Variants in DOCK7 observed in about 807,000 individuals in gnomAD.
DOCK7 encodes the protein dedicator of cytokinesis 7.
A neutral mutation model predicts 271.0 loss-of-function variants in DOCK7; 138 were observed. That is an observed-to-expected ratio of 0.51 (90% CI 0.44 to 0.59). The LOEUF (loss-of-function observed/expected upper bound fraction) is 0.59. Among genes scored for constraint, DOCK7 ranks in the 20% least tolerant of loss-of-function variants. The probability of loss-of-function intolerance (pLI) is 0.00; values close to 1 mark genes in which losing one functional copy is unlikely to be tolerated. For synonymous variants in DOCK7, 823 were observed against 876.1 expected, an observed-to-expected ratio of 0.94 and a Z score of 1.07; for missense variants, 2,066 against 2,592.4, an observed-to-expected ratio of 0.80 and a Z score of 4.41.
intron 8 of DOCK7, chr1:62,635,189 T>C (rs905791664): frequency 8.8e-6 from 2 of 226,368 alleles, no homozygotes; most frequent in Non-Finnish European, 1.7e-5. Context: ...CATGTAAAGT[T>C]TATATTTCAC....
At position 62,592,059 on chromosome 1, in the gene DOCK7, C is replaced by T. The variant is rs146704009; in HGVS notation, c.1683-5435G>A. Among the ~76,000 whole-genome samples, 8 of 152,240 alleles carry T rather than the reference C, an allele frequency of 5.3e-5. No homozygotes were observed. The East Asian group carries it at 1.5e-3, about 29-fold the overall frequency. On this transcript the variant is annotated intron_variant, in intron 14 of 49. Transcript: ENST00000635253. ...ATAGAAATTGAACACTATCTATAAACTACGTTTGATTTCCAATATAAGCAA... is the reference window on the plus strand; with the variant it reads ...ATAGAAATTGAACACTATCTATAAATTACGTTTGATTTCCAATATAAGCAA...
In DOCK7 at chr1:62,537,925, G is replaced by A; in HGVS notation, c.3437C>T (p.Ser1146Phe). ...LPCSLLTPPA[S>F]PSPSVSSATS... ...TGCAGAAGAAACAGAAGGTGATGGA[G>A]ATGCAGGTGGAGTAAGTAAGCTGCA... The change falls in exon 28 of 50, where the codon TCT becomes TTT. Residue 1146 changes from serine (S) to phenylalanine (F), a missense_variant. Ser to Phe is a radical substitution (Grantham distance 155, BLOSUM62 -2). Transcript: ENST00000635253. 1.9e-6 allele frequency: 3 copies of A among 1,613,946 alleles called. No homozygotes were observed. The highest frequency in any genetic ancestry group is 2.5e-6 in the Non-Finnish European group (3 of 1,179,890).
intron 22 of DOCK7, among the ~76,000 whole-genome samples, chr1:62,551,351 C>A (rs115497458): frequency 3.0e-3 from 412 of 139,480 alleles, no homozygotes; most frequent in Non-Finnish European, 3.5e-3. Flanking sequence ...GATGAACTTA[C>A]AAAAAAAAAA....
intron 4 of DOCK7, among the ~76,000 whole-genome samples, chr1:62,651,006 T>C (rs1203856350): frequency 6.6e-6 from 1 of 152,128 alleles, no homozygotes; most frequent in African/African-American, 2.4e-5. Context: ...GTATGTTTAC[T>C]GCGGTGCTAT....
intron 18 of DOCK7, among the ~76,000 whole-genome samples, chr1:62,573,252 C>T (rs1243794535): frequency 6.6e-6 from 1 of 152,126 alleles, no homozygotes. Context: ...CAGAAAAAAG[C>T]TTGGAAGAAG....
chr1:62,609,327 G>A (rs1290737546), intron 14 of DOCK7: 1 of 152,024 alleles, frequency 6.6e-6, no homozygotes, highest in African/African-American at 2.4e-5. Flanking sequence ...TTAGTCCTAA[G>A]AACAGTCATA....
chr1:62,620,435 A>C (rs1653035245), intron 12 of DOCK7, among the ~76,000 whole-genome samples: 1 of 151,990 alleles, frequency 6.6e-6, no homozygotes, highest in Non-Finnish European at 1.5e-5. Flanking sequence ...ATTAAATTAA[A>C]ATTATGATTA....
At chr1:62,477,907 G>A in intron 43 of DOCK7, 82 bp from the exon 44 acceptor site, 2 of 1,398,742 alleles carry the variant, frequency 1.4e-6, no homozygotes, top group Middle Eastern at 1.9e-4. Context: ...GATTGTTACA[G>A]CATAAAATTT....
intron 42 of DOCK7, chr1:62,488,620 A>T (rs1416074209): frequency 3.8e-6 from 1 of 262,676 alleles, no homozygotes; most frequent in Non-Finnish European, 7.4e-6. Flanking sequence ...TCAATTTTAA[A>T]ATGAGATTCA....
At position 62,611,400 on chromosome 1, in the gene DOCK7, G is replaced by A. The variant is rs1441770879; in HGVS notation, c.1682+7306C>T. Among the ~76,000 whole-genome samples, 6 of 152,064 alleles carry A rather than the reference G, an allele frequency of 3.9e-5. No homozygotes were observed. The South Asian group carries it at 6.2e-4, about 16-fold the overall frequency. On this transcript the variant is annotated intron_variant, in intron 14 of 49. Transcript: ENST00000635253. ...AATATCTTTATACTCACGGTTGAGCGACCTCAAATCTGAAAATCCAAAATG... is the reference window on the plus strand; with the variant it reads ...AATATCTTTATACTCACGGTTGAGCAACCTCAAATCTGAAAATCCAAAATG...
chr1:62,466,141 T>A (rs914560396), intron 48 of DOCK7, among the ~76,000 whole-genome samples: 4 of 152,064 alleles, frequency 2.6e-5, no homozygotes, highest in Admixed American at 2.6e-4. Flanking sequence ...AGCTCCCAGA[T>A]GCCAATACAA....
chr1:62,659,503 G>A (rs558332821), intron 2 of DOCK7, among the ~76,000 whole-genome samples: 97 of 151,972 alleles, frequency 6.4e-4, no homozygotes, highest in African/African-American at 1.5e-3. Context: ...GAAAAATAGA[G>A]AATAAACAAA....
At chr1:62,478,547 GGGATTACA>G (rs1646030002) in intron 43 of DOCK7, 1 of 152,276 alleles carries the variant, frequency 6.6e-6, no homozygotes, top group African/African-American at 2.4e-5. Flanking sequence ...CCGAGTAGCT[GGGATTACA>G]GGCATATGCC....
intron 1 of DOCK7, among the ~76,000 whole-genome samples, chr1:62,670,368 C>T (rs1659832514): frequency 6.6e-6 from 1 of 152,020 alleles, no homozygotes; most frequent in Admixed American, 6.6e-5. Flanking sequence ...CTGGTGGGGA[C>T]GTGGAGAGTC....
chr1:62,598,619 A>T, intron 14 of DOCK7: 1 of 791,704 alleles, frequency 1.3e-6, no homozygotes, highest in Non-Finnish European at 2.2e-6. Flanking sequence ...AAAAATTTAG[A>T]TTATGATAGT....
At chr1:62,675,039 TTATATATCTAAAGAA>T (rs1363416560) in intron 1 of DOCK7, among the ~76,000 whole-genome samples, 1 of 152,110 alleles carries the variant, frequency 6.6e-6, no homozygotes, top group Non-Finnish European at 1.5e-5. Flanking sequence ...TAGTTGTAAA[TTATATATCTAAAGAA>T]GGACTTTTAC....
chr1:62,639,949 C>A (rs556120577), intron 7 of DOCK7, among the ~76,000 whole-genome samples: 18 of 149,210 alleles, frequency 1.2e-4, no homozygotes, highest in Admixed American at 3.3e-4. Flanking sequence ...ACAATTTGAG[C>A]AACTGCAAAA....
intron 43 of DOCK7, chr1:62,481,297 T>C (rs1646119416): frequency 6.6e-6 from 1 of 152,086 alleles, no homozygotes; most frequent in Non-Finnish European, 1.5e-5. Flanking sequence ...TACTGGATAT[T>C]TAAAAATAAA....
At chr1:62,590,082 A>G (rs558060741) in intron 14 of DOCK7, among the ~76,000 whole-genome samples, 70 of 152,188 alleles carry the variant, frequency 4.6e-4, no homozygotes, top group African/African-American at 1.6e-3. Context: ...ATATAAGAAA[A>G]ATGAAATAAT....
Sources: allele counts gnomAD v4.1 joint callset (sites outside exome capture counted in the v4.1 genomes callset), GRCh38; gene constraint gnomAD v4.1.1; transcripts MANE v1.5; gene names NCBI Gene and HGNC (gene_info 2026-07-23, HGNC 2026-07-21).